Variants in NKAIN3 observed in about 807,000 individuals in gnomAD.
The protein encoded by NKAIN3 is sodium/potassium-transporting ATPase subunit beta-1-interacting protein 3.
NKAIN3 carries 25 observed loss-of-function variants against 30.2 expected under a neutral mutation model. That is an observed-to-expected ratio of 0.83 (90% CI 0.60 to 1.16). The LOEUF is 1.16. NKAIN3 is among the 50% of genes most tolerant of loss of function. NKAIN3 has a pLI of 0.00. For missense variants in NKAIN3, 225 were observed against 254.1 expected, an observed-to-expected ratio of 0.89 and a Z score of 0.78; for synonymous variants, 91 against 89.6, an observed-to-expected ratio of 1.02 and a Z score of -0.09.
At position 62,361,852 on chromosome 8, in the gene NKAIN3, T is replaced by C. The variant is rs376286850; in HGVS notation, c.54+112725T>C. ...CTTGTTTGTTTTTAACTCCAGACTT[T>C]GTATATATGATTTCCTCTCCCTATA... is the stretch of plus-strand genomic sequence containing the variant. On this transcript the variant is annotated intron_variant, in intron 1 of 6. Coordinates refer to ENST00000623646, the MANE Select transcript of NKAIN3 (RefSeq NM_001304533.3). Among the ~76,000 whole-genome samples, 40 of 152,352 alleles carry C rather than the reference T, an allele frequency of 2.6e-4. No homozygotes were observed. The South Asian group carries it at 8.1e-3, about 31-fold the overall frequency.
intron 4 of NKAIN3, among the ~76,000 whole-genome samples, chr8:62,875,424 C>G (rs75622411): frequency 0.013 from 1,973 of 152,176 alleles, 48 homozygotes; most frequent in African/African-American, 0.044. Flanking sequence ...AGATTCAATG[C>G]CATTCCCATC....
In NKAIN3 at chr8:62,444,409, G is replaced by T. The variant is rs546480430; in HGVS notation, c.55-135130G>T. On this transcript the variant is annotated intron_variant, in intron 1 of 6. Coordinates refer to ENST00000623646, the MANE Select transcript of NKAIN3 (RefSeq NM_001304533.3). Reference sequence around the variant, plus strand: ...TCTTTATCCCTCCTCCCCACCTCTTGTAACAACCAATCTACTCTCTATCTC... The same window carrying T: ...TCTTTATCCCTCCTCCCCACCTCTTTTAACAACCAATCTACTCTCTATCTC... Among the ~76,000 whole-genome samples the T allele has an allele frequency of 2.6e-5, 4 of 152,020 alleles. No homozygotes were observed. The East Asian group carries it at 7.8e-4, about 30-fold the overall frequency.
chr8:62,648,645 G>T (rs1231352954), intron 3 of NKAIN3, among the ~76,000 whole-genome samples: 1 of 152,140 alleles, frequency 6.6e-6, no homozygotes, highest in Non-Finnish European at 1.5e-5. Context: ...CTTACAGAAG[G>T]AATCCCCTTA....
chr8:62,386,970 T>G (rs1817447945), intron 1 of NKAIN3, among the ~76,000 whole-genome samples: 1 of 152,012 alleles, frequency 6.6e-6, no homozygotes, highest in African/African-American at 2.4e-5. Context: ...ATGATAACAC[T>G]TTATAATAGA....
intron 1 of NKAIN3, among the ~76,000 whole-genome samples, chr8:62,572,588 TA>T (rs1809978318): frequency 6.6e-6 from 1 of 152,198 alleles, no homozygotes; most frequent in African/African-American, 2.4e-5. Context: ...CTGGGCAATT[TA>T]AAAAGGAAAG....
intron 3 of NKAIN3, among the ~76,000 whole-genome samples, chr8:62,613,339 C>T (rs1811350001): frequency 6.6e-6 from 1 of 152,032 alleles, no homozygotes; most frequent in South Asian, 2.1e-4. Flanking sequence ...TAAATATGTC[C>T]TGCCACTCTC....
chr8:62,280,833 T>A (rs1813153081), intron 1 of NKAIN3, among the ~76,000 whole-genome samples: 2 of 152,148 alleles, frequency 1.3e-5, no homozygotes, highest in Non-Finnish European at 2.9e-5. Flanking sequence ...GGTCTAAAAT[T>A]CTCTTTTTTG....
intron 1 of NKAIN3, among the ~76,000 whole-genome samples, chr8:62,506,146 C>A (rs1006913383): frequency 2.1e-5 from 3 of 146,252 alleles, no homozygotes; most frequent in Admixed American, 1.4e-4. Context: ...CTCCCCATAA[C>A]AAGATCCTTA....
intron 1 of NKAIN3, among the ~76,000 whole-genome samples, chr8:62,444,380 C>T (rs936232460): frequency 1.4e-4 from 22 of 152,136 alleles, no homozygotes; most frequent in African/African-American, 5.3e-4. Context: ...CACTAATCAA[C>T]ATCTCTTTAT....
Position 62,928,739 on chromosome 8 carries a change from G to A in NKAIN3, c.532+10226G>A, listed in dbSNP as rs539950998. ...AGCACTGAAGCTTTGGAAGCCGCAC[G>A]TTTCAAATGCTGGAGCCACAGTATC... On this transcript the variant is annotated intron_variant, in intron 5 of 6. Transcript: ENST00000623646. Among the ~76,000 whole-genome samples, 9 of 152,314 alleles carry A rather than the reference G, an allele frequency of 5.9e-5. No homozygotes were observed. In the South Asian group the frequency reaches 6.2e-4, roughly 11 times the overall value.
chr8:62,756,661 C>G (rs1048373830), intron 4 of NKAIN3, among the ~76,000 whole-genome samples: 1 of 152,110 alleles, frequency 6.6e-6, no homozygotes, highest in Non-Finnish European at 1.5e-5. Flanking sequence ...GATGCCTGGT[C>G]TTATATAAAT....
intron 4 of NKAIN3, among the ~76,000 whole-genome samples, chr8:62,860,376 A>C (rs1006022828): frequency 6.6e-6 from 1 of 152,196 alleles, no homozygotes; most frequent in African/African-American, 2.4e-5. Context: ...TGTAAAATGA[A>C]ATCATACCAC....
chr8:62,721,494 G>A (rs1815091587), intron 3 of NKAIN3, among the ~76,000 whole-genome samples: 1 of 152,140 alleles, frequency 6.6e-6, no homozygotes, highest in East Asian at 1.9e-4. Context: ...TCTTAACGAT[G>A]AGACTATGAT....
chr8:62,387,710 A>G (rs562099895), intron 1 of NKAIN3, among the ~76,000 whole-genome samples: 1 of 152,300 alleles, frequency 6.6e-6, no homozygotes, highest in East Asian at 1.9e-4. Flanking sequence ...GAGCTTTGAG[A>G]AAGTCACTTA....
At chr8:62,298,850 TTAAG>T (rs1473770103) in intron 1 of NKAIN3, among the ~76,000 whole-genome samples, 3 of 149,338 alleles carry the variant, frequency 2.0e-5, no homozygotes, top group South Asian at 2.1e-4. Context: ...AATAATTATA[TTAAG>T]TATGAATCAA....
intron 2 of NKAIN3, among the ~76,000 whole-genome samples, chr8:62,586,998 T>A (rs1255324205): frequency 6.6e-6 from 1 of 152,030 alleles, no homozygotes; most frequent in African/African-American, 2.4e-5. Context: ...CAAAGGGTAT[T>A]TGTTTAAAAA....
chr8:62,429,426 T>C (rs1251860536), intron 1 of NKAIN3, among the ~76,000 whole-genome samples: 1 of 152,024 alleles, frequency 6.6e-6, no homozygotes, highest in Non-Finnish European at 1.5e-5. Flanking sequence ...TTCTGTATAT[T>C]GAACCATCCT....
intron 1 of NKAIN3, among the ~76,000 whole-genome samples, chr8:62,352,105 A>G (rs1408265418): frequency 6.6e-6 from 1 of 152,172 alleles, no homozygotes; most frequent in African/African-American, 2.4e-5. Flanking sequence ...TGGAGAGAGG[A>G]CATATTAGGA....
intron 4 of NKAIN3, among the ~76,000 whole-genome samples, chr8:62,857,949 G>A (rs1586276430): frequency 6.6e-6 from 1 of 152,162 alleles, no homozygotes; most frequent in East Asian, 1.9e-4. Context: ...ACATTTTTGA[G>A]TTGATTCTTT....
Sources: gnomAD v4.1 joint callset for allele counts (sites outside exome capture counted in the v4.1 genomes callset) on GRCh38, gnomAD v4.1.1 for gene constraint, MANE v1.5 for transcripts, NCBI Gene and HGNC (gene_info 2026-07-23, HGNC 2026-07-21) for gene names.